The following ATP2B1 variants were observed in gnomAD, a reference collection of about 807,000 sequenced individuals.
ATP2B1 encodes ATPase plasma membrane Ca2+ transporting 1.
ATP2B1 carries 14 observed loss-of-function variants against 124.2 expected under a neutral mutation model. The ratio of observed to expected loss-of-function variants is 0.11; its 90% CI spans 0.07 to 0.18. The LOEUF (loss-of-function observed/expected upper bound fraction) is 0.18. ATP2B1 is among the 10% of genes least tolerant of loss of function. ATP2B1 has a pLI of 1.00. For synonymous variants in ATP2B1, 449 were observed against 492.4 expected (o/e 0.91, Z 1.17); for missense variants, 763 against 1,466.1 (o/e 0.52, Z 7.83).
chr12:89,627,552 C>T, intron 7 of ATP2B1, 126 bp downstream of exon 7: 1 of 1,013,424 alleles, frequency 9.9e-7, no homozygotes, highest in Non-Finnish European at 1.5e-6. Flanking sequence ...AAAGGTTAAC[C>T]CAAGCTAACG....
At chr12:89,607,338 T>TG (rs1029525890) in intron 15 of ATP2B1, among the ~76,000 whole-genome samples, 1 of 152,202 alleles carries the variant, frequency 6.6e-6, no homozygotes, top group Non-Finnish European at 1.5e-5. Context: ...GAGGGCCTCT[T>TG]GGTTCCTCTC....
At chr12:89,636,850 A>C (rs1882791382) in intron 3 of ATP2B1, among the ~76,000 whole-genome samples, 1 of 152,198 alleles carries the variant, frequency 6.6e-6, no homozygotes, top group Admixed American at 6.5e-5. Context: ...TATTTTAATT[A>C]TTTTCAAGCT....
intron 1 of ATP2B1, among the ~76,000 whole-genome samples, chr12:89,674,663 T>C (rs764726853): frequency 6.6e-6 from 1 of 152,194 alleles, no homozygotes; most frequent in Non-Finnish European, 1.5e-5. Context: ...CTGGTATTAA[T>C]CAGCTTTCCA....
chr12:89,681,145 G>A (rs763086818), intron 1 of ATP2B1, among the ~76,000 whole-genome samples: 27 of 151,782 alleles, frequency 1.8e-4, no homozygotes, highest in Non-Finnish European at 3.5e-4. Flanking sequence ...AGTGGAACAC[G>A]GTAAAAAGAA....
intron 6 of ATP2B1, 65 bp downstream of exon 6, chr12:89,630,440 T>TACTA: frequency 7.7e-7 from 1 of 1,305,244 alleles, no homozygotes. Flanking sequence ...TGAAAGAAGG[T>TACTA]ACTAGTTCTT....
intron 12 of ATP2B1, among the ~76,000 whole-genome samples, chr12:89,616,147 A>G (rs1183436889): frequency 6.6e-6 from 1 of 152,130 alleles, no homozygotes; most frequent in Non-Finnish European, 1.5e-5. Context: ...AACTTCTTTG[A>G]GGCCGGTGAT....
At chr12:89,702,654 A>C (rs917634170) in intron 1 of ATP2B1, among the ~76,000 whole-genome samples, 1 of 152,240 alleles carries the variant, frequency 6.6e-6, no homozygotes, top group Non-Finnish European at 1.5e-5. Context: ...TCTGTACAGT[A>C]GTCATGCCAG....
chr12:89,610,529 T>TA, intron 13 of ATP2B1, 21 bp from the exon 14 acceptor site: 1 of 1,583,174 alleles, frequency 6.3e-7, no homozygotes, highest in Non-Finnish European at 8.7e-7. Flanking sequence ...TTATCAAAGT[T>TA]AAAATATGCC....
At chr12:89,611,590 G>T in intron 12 of ATP2B1, 1 of 399,726 alleles carries the variant, frequency 2.5e-6, no homozygotes, top group Non-Finnish European at 4.3e-6. Flanking sequence ...CTCAGGCTTC[G>T]TTTTCAGTTG....
intron 12 of ATP2B1, among the ~76,000 whole-genome samples, chr12:89,614,466 T>C (rs1203569036): frequency 6.6e-6 from 1 of 152,200 alleles, no homozygotes; most frequent in Admixed American, 6.5e-5. Context: ...AAACCAAATT[T>C]ATCTTAATCT....
At chr12:89,594,067 G>C (rs1205288209) in intron 20 of ATP2B1, 1 of 151,914 alleles carries the variant, frequency 6.6e-6, no homozygotes, top group Non-Finnish European at 1.5e-5. Context: ...CCATATGTCT[G>C]GTTAGTTTCA....
At chr12:89,626,429 C>CT (rs1255065645) in intron 8 of ATP2B1, 25 bp downstream of exon 8, 3 of 1,560,564 alleles carry the variant, frequency 1.9e-6, no homozygotes, top group South Asian at 1.2e-5. Flanking sequence ...AAATAAAACA[C>CT]TTTATTTTCT....
chr12:89,618,457 G>T (rs1040146306), intron 11 of ATP2B1, among the ~76,000 whole-genome samples: 5 of 152,142 alleles, frequency 3.3e-5, no homozygotes, highest in African/African-American at 1.2e-4. Flanking sequence ...GTCAATGCCT[G>T]ATCAGTTTTG....
At position 89,677,956 on chromosome 12, in the gene ATP2B1, A is replaced by ATATATATATATGTG. The variant is rs1208617019; in HGVS notation, c.-221-21850_-221-21849insCACATATATATATA. ...AGGGGGTTGGGGGCATGCAGGAATT[A>ATATATATATATGTG]TATATATATATATATACACACACAC... On this transcript the variant is annotated intron_variant, in intron 1 of 20. Coordinates refer to ENST00000428670, the MANE Select transcript of ATP2B1 (RefSeq NM_001366521.1). 3.4e-4 allele frequency among the ~76,000 whole-genome samples: 11 copies of ATATATATATATGTG among 32,498 alleles called. 1 individual carries two copies. The highest frequency in any genetic ancestry group is 2.1e-3 in the Admixed American group (6 of 2,830). The allele number at this position is 32,498 out of a possible 152,430, so 21.3% of individuals were successfully genotyped here.
intron 2 of ATP2B1, among the ~76,000 whole-genome samples, chr12:89,644,508 C>T (rs1463631321): frequency 2.1e-5 from 3 of 145,152 alleles, no homozygotes; most frequent in African/African-American, 5.1e-5. Context: ...CTGGGCAATA[C>T]GGAAAGTATT....
intron 3 of ATP2B1, among the ~76,000 whole-genome samples, chr12:89,636,015 T>C (rs1882634708): frequency 6.6e-6 from 1 of 151,914 alleles, no homozygotes; most frequent in African/African-American, 2.4e-5. Flanking sequence ...ACAAGTGCCA[T>C]GAAGAAAAAC....
chr12:89,632,061 T>C (rs957526513), intron 5 of ATP2B1, among the ~76,000 whole-genome samples: 2 of 152,178 alleles, frequency 1.3e-5, no homozygotes, highest in African/African-American at 4.8e-5. Context: ...TACATCCACA[T>C]CTCTATATCT....
In ATP2B1 at chr12:89,611,365, T is replaced by G; in HGVS notation, c.2075A>C (p.Asp692Ala). ...AGCCCTCTGACACTTTTTAATTGCA[T>G]CTGGCACCTGGTTTACATTAAAAAA... The part of the protein sequence containing the change: ...IEDPVRPEVP[D>A]AIKKCQRAGI... Residue 692 changes from aspartate (D) to alanine (A), a missense_variant, in exon 13 of 21, where the codon GAT (aspartate) becomes GCT (alanine). Around this residue, in one of 7 missense-constraint regions of ATP2B1, gnomAD observed 392 missense variants for 776.6 expected, o/e 0.50. Transcript: ENST00000428670. 5 of 1,519,844 alleles carry G rather than the reference T, an allele frequency of 3.3e-6. No homozygotes were observed. Among genetic ancestry groups the G allele is most frequent in the Non-Finnish European group, 4.4e-6 (5 of 1,136,876 alleles). 94.1% of individuals were successfully genotyped at this position (1,519,844 alleles called of 1,614,324 possible).
chr12:89,610,614 C>T, intron 13 of ATP2B1, 106 bp from the exon 14 acceptor site: 1 of 885,452 alleles, frequency 1.1e-6, no homozygotes, highest in Non-Finnish European at 1.8e-6. Context: ...GTCCACAGAA[C>T]AATCAGAAAC....
Sources: allele counts gnomAD v4.1 joint callset (sites outside exome capture counted in the v4.1 genomes callset), GRCh38; gene constraint gnomAD v4.1.1; regional missense constraint gnomAD v4.1.1; transcripts MANE v1.5; gene names NCBI Gene and HGNC (gene_info 2026-07-23, HGNC 2026-07-21).